EHBP1: variants seen among roughly 807,000 people sequenced by gnomAD.
EHBP1 encodes EH domain binding protein 1.
Under a neutral mutation model 144.0 loss-of-function variants are expected in EHBP1, and 55 were observed. The observed-to-expected ratio is 0.38, with a 90% CI of 0.31 to 0.48. EHBP1 has a LOEUF of 0.48. Ranked by LOEUF, EHBP1 falls within the 20% of genes least tolerant of loss-of-function variation. The probability of loss-of-function intolerance (pLI) is 0.98; values close to 1 mark genes in which losing one functional copy is unlikely to be tolerated. For synonymous variants in EHBP1, 469 were observed against 472.7 expected, an observed-to-expected ratio of 0.99 and a Z score of 0.10; for missense variants, 1,200 against 1,364.2, an observed-to-expected ratio of 0.88 and a Z score of 1.90.
rs113190334 is a variant in EHBP1, at chr2:62,745,663, C to T, written c.105-1732C>T. ...GTGGTGAGTGAAATGCCTTACAAGC[C>T]GTGTTGAGAAACAAGGGTGTCACAG... On this transcript the variant is annotated intron_variant, in intron 2 of 22. Coordinates refer to ENST00000431489, the MANE Select transcript of EHBP1 (RefSeq NM_001142616.3). 4.8e-4 allele frequency among the ~76,000 whole-genome samples: 73 copies of T among 151,728 alleles called. 1 individual carries two copies. Among genetic ancestry groups the T allele is most frequent in the Non-Finnish European group, 1.2e-4 (8 of 67,912 alleles).
chr2:62,788,717 A>C (rs181529340), intron 5 of EHBP1, among the ~76,000 whole-genome samples: 1 of 152,266 alleles, frequency 6.6e-6, no homozygotes, highest in Admixed American at 6.5e-5. Context: ...CCTGTTTCTG[A>C]AGGTTTGCCA....
intron 10 of EHBP1, among the ~76,000 whole-genome samples, chr2:62,918,053 CA>C (rs2054782314): frequency 6.6e-6 from 1 of 152,112 alleles, no homozygotes; most frequent in South Asian, 2.1e-4. Context: ...TTTGCCACCA[CA>C]CCCGGCTAAT....
chr2:63,023,670 G>C (rs2060852680), intron 19 of EHBP1, among the ~76,000 whole-genome samples: 1 of 152,130 alleles, frequency 6.6e-6, no homozygotes, highest in Admixed American at 6.6e-5. Flanking sequence ...CCAAAACTAG[G>C]AATTGTGTCA....
chr2:62,813,367 A>G (rs535231270), intron 5 of EHBP1, among the ~76,000 whole-genome samples: 1 of 152,338 alleles, frequency 6.6e-6, no homozygotes, highest in South Asian at 2.1e-4. Flanking sequence ...GATGTCATGG[A>G]TAGCCTGGGG....
At chr2:62,998,839 A>C (rs2059742263) in intron 19 of EHBP1, among the ~76,000 whole-genome samples, 1 of 152,284 alleles carries the variant, frequency 6.6e-6, no homozygotes, top group South Asian at 2.1e-4. Flanking sequence ...TTGGTCTCCC[A>C]AGTTCATAAG....
At chr2:62,742,357 C>G (rs1052268173) in intron 2 of EHBP1, among the ~76,000 whole-genome samples, 4 of 152,114 alleles carry the variant, frequency 2.6e-5, no homozygotes, top group Non-Finnish European at 5.9e-5. Context: ...ACCAATCCCC[C>G]ACAGATATGG....
intron 1 of EHBP1, among the ~76,000 whole-genome samples, chr2:62,683,988 C>G (rs1432245174): frequency 1.3e-5 from 2 of 152,166 alleles, no homozygotes; most frequent in Admixed American, 1.3e-4. Context: ...GAAGAGGTGT[C>G]AGGCACACTT....
chr2:62,854,224 G>A (rs908320679), intron 7 of EHBP1, among the ~76,000 whole-genome samples: 1 of 152,214 alleles, frequency 6.6e-6, no homozygotes, highest in Non-Finnish European at 1.5e-5. Flanking sequence ...GAATGCTATG[G>A]TTGGTTTGAT....
At chr2:62,942,211 T>C (rs2056797169) in intron 10 of EHBP1, among the ~76,000 whole-genome samples, 1 of 152,188 alleles carries the variant, frequency 6.6e-6, no homozygotes, top group African/African-American at 2.4e-5. Flanking sequence ...TTGAATATGG[T>C]TATCATTGTG....
chr2:62,829,199 GTTAAATTTT>G (rs2046587283), intron 6 of EHBP1, among the ~76,000 whole-genome samples: 1 of 151,864 alleles, frequency 6.6e-6, no homozygotes, highest in Admixed American at 6.6e-5. Flanking sequence ...TTCCTAACCA[GTTAAATTTT>G]TTAAATTATG....
chr2:63,006,460 C>T (rs1326362452), intron 19 of EHBP1, among the ~76,000 whole-genome samples: 3 of 151,894 alleles, frequency 2.0e-5, no homozygotes, highest in Non-Finnish European at 4.4e-5. Context: ...ACTTCTACTT[C>T]ATTCATACAA....
At chr2:62,921,924 G>A (rs2055122058) in intron 10 of EHBP1, among the ~76,000 whole-genome samples, 1 of 152,126 alleles carries the variant, frequency 6.6e-6, no homozygotes, top group Non-Finnish European at 1.5e-5. Flanking sequence ...CGCCTGTAAT[G>A]CCAGCACTTC....
chr2:62,795,766 T>C (rs1287409136), intron 5 of EHBP1, among the ~76,000 whole-genome samples: 3 of 152,062 alleles, frequency 2.0e-5, no homozygotes, highest in Non-Finnish European at 4.4e-5. Flanking sequence ...CCCAAAGTAA[T>C]TGTATTTTGT....
intron 7 of EHBP1, among the ~76,000 whole-genome samples, chr2:62,831,621 A>G (rs17432525): frequency 0.014 from 2,140 of 152,282 alleles, 30 homozygotes; most frequent in Non-Finnish European, 0.02. Context: ...CCATGCAGGT[A>G]TTCCTTCAAG....
At chr2:62,958,104 T>C (rs150131554) in intron 14 of EHBP1, among the ~76,000 whole-genome samples, 2 of 152,292 alleles carry the variant, frequency 1.3e-5, no homozygotes, top group East Asian at 3.9e-4. Context: ...ACTAGAACTC[T>C]CACATTTTGC....
At chr2:62,881,416 C>T (rs548549497) in intron 10 of EHBP1, among the ~76,000 whole-genome samples, 13 of 33,828 alleles carry the variant, frequency 3.8e-4, no homozygotes, top group East Asian at 6.1e-4. Context: ...AAAGGAAAAA[C>T]GGAAAAAAAA....
At position 62,874,355 on chromosome 2, in the gene EHBP1, T is replaced by G; in HGVS notation, c.1008T>G (p.Pro336=). The G allele has an allele frequency of 6.3e-7, 1 of 1,587,744 alleles. No individual in the cohort carries two copies. The highest frequency in any genetic ancestry group is 8.6e-7 in the Non-Finnish European group (1 of 1,168,034). The part of the protein sequence containing the change: ...TEEEELDESN[P]FYEPKSTPPP... ...TTCTTCTTTCACTTAGATCAAATCC[T>G]TTTTATGAACCTAAATCAACTCCTC... The change falls in exon 10 of 23, where the codon CCT becomes CCG. Residue 336 remains proline, a synonymous_variant. Coordinates refer to ENST00000431489, the MANE Select transcript of EHBP1 (RefSeq NM_001142616.3).
intron 3 of EHBP1, among the ~76,000 whole-genome samples, chr2:62,763,683 G>A (rs2040943062): frequency 6.6e-6 from 1 of 152,024 alleles, no homozygotes; most frequent in South Asian, 2.1e-4. Context: ...GGAGTGTGGA[G>A]GTTCCTTAGG....
At chr2:62,852,683 C>G (rs1327878620) in intron 7 of EHBP1, among the ~76,000 whole-genome samples, 2 of 151,290 alleles carry the variant, frequency 1.3e-5, no homozygotes, top group African/African-American at 4.9e-5. Context: ...TGAAAAATGC[C>G]CAACTAGTAA....
Sources: allele counts gnomAD v4.1 joint callset (sites outside exome capture counted in the v4.1 genomes callset), GRCh38; gene constraint gnomAD v4.1.1; transcripts MANE v1.5; gene names NCBI Gene and HGNC (gene_info 2026-07-23, HGNC 2026-07-21).